The following TLX3 variants were observed in gnomAD, a reference collection of about 807,000 sequenced individuals.
TLX3 encodes T-cell leukemia homeobox protein 3.
Under a neutral mutation model 19.6 loss-of-function variants are expected in TLX3, and 11 were observed. That is an observed-to-expected ratio of 0.56 (90% CI 0.35 to 0.93). The LOEUF is 0.93. TLX3 is among the 40% of genes least tolerant of loss of function. The pLI, the probability that TLX3 is intolerant of heterozygous loss-of-function variation, is 0.01. For synonymous variants in TLX3, 221 were observed against 188.1 expected (o/e 1.17, Z -1.43); for missense variants, 375 against 418.6 (o/e 0.90, Z 0.91).
chr5:171,309,439 A>C lies in TLX3; in HGVS notation c.74A>C (p.Asn25Thr). 6.2e-7 allele frequency: 1 copy of C among 1,606,798 alleles called. No homozygotes were observed. The highest frequency in any genetic ancestry group is 1.4e-5 in the African/African-American group (1 of 73,914). Residue 25 changes from asparagine (N) to threonine (T), a missense_variant, in exon 1 of 3, where the codon AAC (asparagine) becomes ACC (threonine). This residue lies in a region of TLX3 where 239 missense variants were observed against 217.0 expected (regional missense o/e 1.10). Transcript: ENST00000296921. ...PISFGIDQILNSPDQDSAPAP... is the reference protein window; with the variant it reads ...PISFGIDQILTSPDQDSAPAP... ...AGCTTCGGCATCGACCAGATCCTTAACAGCCCGGACCAGGACAGCGCACCC... is the reference window on the plus strand; with the variant it reads ...AGCTTCGGCATCGACCAGATCCTTACCAGCCCGGACCAGGACAGCGCACCC...
At chr5:171,310,919 G>C (rs1005815294) in intron 2 of TLX3, among the ~76,000 whole-genome samples, 1 of 151,876 alleles carries the variant, frequency 6.6e-6, no homozygotes, top group Non-Finnish European at 1.5e-5. Context: ...ACCCGTAAAC[G>C]GCGAAGCGAT....
chr5:171,310,889 C>T (rs1044455497), intron 2 of TLX3, among the ~76,000 whole-genome samples: 2 of 152,136 alleles, frequency 1.3e-5, no homozygotes, highest in South Asian at 2.1e-4. Context: ...GCGTTTTTAT[C>T]CGATCTCTGT....
intron 2 of TLX3, among the ~76,000 whole-genome samples, chr5:171,310,678 G>A (rs1379769956): frequency 6.7e-6 from 1 of 149,796 alleles, no homozygotes; most frequent in Admixed American, 6.7e-5. Context: ...TGTTTTGTAC[G>A]GTCTCCTGCG....
At chr5:171,310,696 G>C (rs377297163) in intron 2 of TLX3, among the ~76,000 whole-genome samples, 205 of 145,958 alleles carry the variant, frequency 1.4e-3, no homozygotes, top group African/African-American at 4.5e-3. Context: ...GCGTTCACTT[G>C]ATTTCCTCTC....
rs36095128 is a variant in TLX3, at chr5:171,309,566, C to A, written c.201C>A (p.Gly67=). 4,597 of 1,586,390 alleles carry A rather than the reference C, an allele frequency of 2.9e-3. 132 individuals carry two copies. The African/African-American group carries it at 0.054, about 19-fold the overall frequency. ...TGCCCGCCTCCTTTGCGGGCCTCGG[C>A]GCGCCCTTCGAGGACGCGGGATCTT... ...PSLPASFAGL[G]APFEDAGSYS... Residue 67 remains glycine (G), a synonymous_variant, in exon 1 of 3, where the codon GGC becomes GGA. Transcript: ENST00000296921.
At position 171,309,621 on chromosome 5, in the gene TLX3, G is replaced by A. The variant is rs368190023; in HGVS notation, c.256G>A (p.Gly86Ser). 3.2e-5 allele frequency: 51 copies of A among 1,607,550 alleles called. No homozygotes were observed. The highest frequency in any genetic ancestry group is 4.0e-5 in the Non-Finnish European group (47 of 1,177,888). The change falls in exon 1 of 3, where the codon GGC (glycine) becomes AGC (serine). Residue 86 changes from glycine to serine, a missense_variant. This residue lies in a region of TLX3 where 239 missense variants were observed against 217.0 expected (regional missense o/e 1.10). Transcript: ENST00000296921. ...TGTGAACCTGAGCCTAGCGCCCGCA[G>A]GCGTGATCCGGGTGCCGGCGCACAG... is the stretch of plus-strand genomic sequence containing the variant. ...YSVNLSLAPA[G>S]VIRVPAHRPL...
rs1021521764 is a variant in TLX3, at chr5:171,311,612, G to A, written c.*13G>A. On this transcript the variant is annotated 3_prime_UTR_variant, in exon 3 of 3. Coordinates refer to ENST00000296921, the MANE Select transcript of TLX3 (RefSeq NM_021025.4). The surrounding 1 kb of genome is among the most constrained non-coding windows in gnomAD (Gnocchi z 5.1). ...CTCCCTGGTGTGAGCCCACCAGCGC[G>A]CACCGTCGCCACGGATCGCCGCCCC... is the stretch of plus-strand genomic sequence containing the variant. The A allele has an allele frequency of 2.5e-6, 4 of 1,588,436 alleles. No homozygotes were observed. Among genetic ancestry groups the A allele is most frequent in the Admixed American group, 1.7e-5 (1 of 58,326 alleles).
Position 171,311,157 on chromosome 5 carries a change from C to A in TLX3, c.666-232C>A, listed in dbSNP as rs528275956. Among the ~76,000 whole-genome samples, 1 of 152,160 alleles carries A rather than the reference C, an allele frequency of 6.6e-6. No individual in the cohort carries two copies. Among genetic ancestry groups the A allele is most frequent in the African/African-American group, 2.4e-5 (1 of 41,434 alleles). On this transcript the variant is annotated intron_variant, in intron 2 of 2. Transcript: ENST00000296921. This position sits in a 1 kb window ranked among gnomAD's most constrained non-coding sequence, Gnocchi z 5.1. ...CACAATACCCGGGCGTGCAGGTGGG[C>A]GGCGGGCAGAGTCCCCTCCTGGAGA...
Position 171,309,327 on chromosome 5 carries a change from T to TCGCCCC in TLX3, c.-38_-37insGCCCCC. 1 of 976,972 alleles carries TCGCCCC rather than the reference T, an allele frequency of 1.0e-6. No homozygotes were observed. The allele number at this position is 976,972 out of a possible 1,614,324, so 60.5% of individuals were successfully genotyped here. On this transcript the variant is annotated 5_prime_UTR_variant, in exon 1 of 3. Coordinates refer to ENST00000296921, the MANE Select transcript of TLX3 (RefSeq NM_021025.4). ...GCGCCGTAACGGGGACCCAGCCGCC[T>TCGCCCC]CCCCGCCCAGCCCAGCCCAGCCCTT...
In TLX3 at chr5:171,309,332, G is replaced by A. The variant is rs745580813; in HGVS notation, c.-34G>A. 11 of 646,944 alleles carry A rather than the reference G, an allele frequency of 1.7e-5. No individual in the cohort carries two copies. Among genetic ancestry groups the A allele is most frequent in the African/African-American group, 1.5e-4 (7 of 45,448 alleles). 40.1% of individuals were successfully genotyped at this position (646,944 alleles called of 1,614,324 possible). On this transcript the variant is annotated 5_prime_UTR_variant, in exon 1 of 3. Coordinates refer to ENST00000296921, the MANE Select transcript of TLX3 (RefSeq NM_021025.4). ...GTAACGGGGACCCAGCCGCCTCCCCGCCCAGCCCAGCCCAGCCCTTCCGCC... is the reference window on the plus strand; with the variant it reads ...GTAACGGGGACCCAGCCGCCTCCCCACCCAGCCCAGCCCAGCCCTTCCGCC...
At position 171,309,320 on chromosome 5, in the gene TLX3, A is replaced by G; in HGVS notation, c.-46A>G. On this transcript the variant is annotated 5_prime_UTR_variant, in exon 1 of 3. Transcript: ENST00000296921. Reference sequence around the variant, plus strand: ...CATGGCCGCGCCGTAACGGGGACCCAGCCGCCTCCCCGCCCAGCCCAGCCC... The same window carrying G: ...CATGGCCGCGCCGTAACGGGGACCCGGCCGCCTCCCCGCCCAGCCCAGCCC... 1 of 1,424,056 alleles carries G rather than the reference A, an allele frequency of 7.0e-7. No homozygotes were observed. Among genetic ancestry groups the G allele is most frequent in the Admixed American group, 2.7e-5 (1 of 37,638 alleles). The allele number at this position is 1,424,056 out of a possible 1,614,324, so 88.2% of individuals were successfully genotyped here. A position where few individuals can be genotyped will look rare whatever the true frequency, so the allele number is the denominator to read the frequency against.
At chr5:171,310,441 C>T (rs961150685) in intron 2 of TLX3, 48 bp downstream of exon 2, 1 of 1,594,332 alleles carries the variant, frequency 6.3e-7, no homozygotes, top group Non-Finnish European at 8.6e-7. Flanking sequence ...CTTCACCTGT[C>T]CCGCCCCGAG....
Position 171,309,903 on chromosome 5 carries a change from C to G in TLX3, c.421+117C>G, listed in dbSNP as rs1300363222. On this transcript the variant is annotated intron_variant, in intron 1 of 2. Coordinates refer to ENST00000296921, the MANE Select transcript of TLX3 (RefSeq NM_021025.4). ...AGAGGCCCAAGCGCGGCGGAGGCCTCGGCCCCAGGGCCCCGGGCAGCCGTG... is the reference window on the plus strand; with the variant it reads ...AGAGGCCCAAGCGCGGCGGAGGCCTGGGCCCCAGGGCCCCGGGCAGCCGTG... 6 of 1,371,376 alleles carry G rather than the reference C, an allele frequency of 4.4e-6. No homozygotes were observed. The South Asian group carries it at 7.6e-5, about 17-fold the overall frequency. The allele number at this position is 1,371,376 out of a possible 1,614,324, so 85.0% of individuals were successfully genotyped here.
At position 171,309,572 on chromosome 5, in the gene TLX3, C is replaced by G; in HGVS notation, c.207C>G (p.Pro69=). The G allele has an allele frequency of 1.3e-6, 2 of 1,592,968 alleles. No individual in the cohort carries two copies. The highest frequency in any genetic ancestry group is 2.3e-5 in the South Asian group (2 of 88,672). ...CCTCCTTTGCGGGCCTCGGCGCGCC[C>G]TTCGAGGACGCGGGATCTTACAGTG... ...LPASFAGLGA[P]FEDAGSYSVN... The change falls in exon 1 of 3, where the codon CCC becomes CCG. Residue 69 remains proline, a synonymous_variant. Coordinates refer to ENST00000296921, the MANE Select transcript of TLX3 (RefSeq NM_021025.4).
intron 2 of TLX3, among the ~76,000 whole-genome samples, chr5:171,310,968 C>T (rs1029812496): frequency 3.9e-5 from 6 of 152,062 alleles, no homozygotes; most frequent in Admixed American, 3.9e-4. Context: ...CCTGGGCGAA[C>T]TGGATGAGAC....
rs778061004 is a variant in TLX3 at position 171,310,154 on chromosome 5, G to C, written c.426G>C (p.Ala142=). Residue 142 remains alanine, a synonymous_variant, in exon 2 of 3, where the codon GCG becomes GCC. Transcript: ENST00000296921. ...RRFVKDRFTA[A]AALTPFTVTR... ...GGCCCTCCTGTGTCTCCGCAGCGGC[G>C]GCCGCACTCACGCCCTTCACCGTGA... is the stretch of plus-strand genomic sequence containing the variant. 13 of 1,549,648 alleles carry C rather than the reference G, an allele frequency of 8.4e-6. No homozygotes were observed. The highest frequency in any genetic ancestry group is 1.1e-5 in the Non-Finnish European group (13 of 1,146,798).
In TLX3 at chr5:171,309,663, G is replaced by A; in HGVS notation, c.298G>A (p.Val100Met). Reference protein sequence around the residue: ...VPAHRPLPGAVPPPLPSALPA... With the variant: ...VPAHRPLPGAMPPPLPSALPA... The stretch of plus-strand genomic sequence containing the variant: ...GGCGCACAGGCCGCTGCCCGGGGCC[G>A]TGCCACCGCCTCTGCCAAGCGCGCT... Residue 100 changes from valine to methionine, a missense_variant, in exon 1 of 3, where the codon GTG (valine) becomes ATG (methionine). Transcript: ENST00000296921. 6.2e-7 allele frequency: 1 copy of A among 1,608,266 alleles called. No homozygotes were observed. The highest frequency in any genetic ancestry group is 8.5e-7 in the Non-Finnish European group (1 of 1,178,310).
In TLX3 at chr5:171,312,091, TTTTA is replaced by T. The variant is rs1769234844; in HGVS notation, c.*497_*500del. On this transcript the variant is annotated 3_prime_UTR_variant, in exon 3 of 3. Transcript: ENST00000296921. ...GTCCACTCTTCTTCTTTTCCGTTCC[TTTTA>T]TTTAAGTCTTTTTATTTAATAAAAA... 5.5e-6 allele frequency: 1 copy of T among 182,010 alleles called. No homozygotes were observed. The highest frequency in any genetic ancestry group is 2.4e-5 in the African/African-American group (1 of 42,392). 11.3% of individuals were successfully genotyped at this position (182,010 alleles called of 1,614,324 possible). A position where few individuals can be genotyped will look rare whatever the true frequency, so the allele number is the denominator to read the frequency against.
rs747535442 is a variant in TLX3, at chr5:171,310,385, C to G, written c.657C>G (p.Thr219=). Residue 219 remains threonine, a synonymous_variant, in exon 2 of 3, where the codon ACC becomes ACG. Transcript: ENST00000296921. Reference sequence around the variant, plus strand: ...AGACCTGGTTCCAAAACCGGAGGACCAAGTGGCGGTGAGAGAGGCCTGACC... The same window carrying G: ...AGACCTGGTTCCAAAACCGGAGGACGAAGTGGCGGTGAGAGAGGCCTGACC... The part of the protein sequence containing the change: ...QVKTWFQNRR[T]KWRRQTAEER... 1.9e-6 allele frequency: 3 copies of G among 1,613,536 alleles called. No individual in the cohort carries two copies. Among genetic ancestry groups the G allele is most frequent in the Non-Finnish European group, 2.5e-6 (3 of 1,179,850 alleles).
Sources: gnomAD v4.1 joint callset for allele counts (sites outside exome capture counted in the v4.1 genomes callset) on GRCh38, gnomAD v4.1.1 for gene constraint, gnomAD v4.1.1 regional missense constraint, Gnocchi (gnomAD v3.1) non-coding constraint, MANE v1.5 for transcripts, NCBI Gene and HGNC (gene_info 2026-07-23, HGNC 2026-07-21) for gene names.